The following DCC variants were observed in gnomAD, a reference collection of about 807,000 sequenced individuals.
The protein encoded by DCC is netrin receptor DCC.
Under a neutral mutation model 172.5 loss-of-function variants are expected in DCC, and 58 were observed. The ratio of observed to expected loss-of-function variants is 0.34; its 90% confidence interval spans 0.27 to 0.42. The LOEUF is 0.42. DCC is among the 10% of genes least tolerant of loss of function. The pLI is 1.00. For missense variants in DCC, 1,740 were observed against 1,791.0 expected, an observed-to-expected ratio of 0.97 and a Z score of 0.51; for synonymous variants, 709 against 644.5, an observed-to-expected ratio of 1.10 and a Z score of -1.52.
chr18:52,725,265 C>T (rs190705076), intron 1 of DCC, among the ~76,000 whole-genome samples: 26 of 152,264 alleles, frequency 1.7e-4, no homozygotes, highest in African/African-American at 5.1e-4. Context: ...CTGCTGAGAG[C>T]GCCAGTGATC....
chr18:53,208,857 A>C (rs2144561856), intron 11 of DCC, among the ~76,000 whole-genome samples: 1 of 152,190 alleles, frequency 6.6e-6, no homozygotes, highest in South Asian at 2.1e-4. Flanking sequence ...CAGCCTCCTG[A>C]GTACCTGGGA....
In DCC at chr18:52,800,713, A is replaced by T. The variant is rs570803478; in HGVS notation, c.412+48339A>T. Among the ~76,000 whole-genome samples, 9 of 152,348 alleles carry T rather than the reference A, an allele frequency of 5.9e-5. No homozygotes were observed. The South Asian group carries it at 1.0e-3, about 18-fold the overall frequency. ...TGTGTTAACGTATCACCTTGTTTTC[A>T]TAAGTACAATTGGTTCCTGAGAGGC... On this transcript the variant is annotated intron_variant, in intron 2 of 28. Coordinates refer to ENST00000442544, the MANE Select transcript of DCC (RefSeq NM_005215.4).
chr18:52,497,465 A>G (rs1234871492), intron 1 of DCC, among the ~76,000 whole-genome samples: 1 of 151,340 alleles, frequency 6.6e-6, no homozygotes, highest in Non-Finnish European at 1.5e-5. Context: ...TTTTTTTAAA[A>G]AAGCAGAACT....
chr18:52,993,313 A>C (rs1249886052), intron 5 of DCC, among the ~76,000 whole-genome samples: 1 of 152,162 alleles, frequency 6.6e-6, no homozygotes, highest in Non-Finnish European at 1.5e-5. Context: ...ATGTAACTCC[A>C]ACTTACTAGA....
intron 1 of DCC, chr18:52,409,296 G>T (rs750439682): frequency 6.6e-6 from 1 of 152,110 alleles, no homozygotes; most frequent in Non-Finnish European, 1.5e-5. Context: ...AACTGATTCT[G>T]TTGTGATTCA....
At position 52,928,131 on chromosome 18, in the gene DCC, A is replaced by G. The variant is rs572151208; in HGVS notation, c.985+2761A>G. 2.2e-3 allele frequency among the ~76,000 whole-genome samples: 333 copies of G among 152,272 alleles called. 2 individuals carry two copies. The highest frequency in any genetic ancestry group is 8.8e-3 in the Admixed American group (135 of 15,276). ...CCTTTGCTGCAACATGGATGGAGCCATTATCTTAAGTAAACTAATACAGGA... is the reference window on the plus strand; with the variant it reads ...CCTTTGCTGCAACATGGATGGAGCCGTTATCTTAAGTAAACTAATACAGGA... On this transcript the variant is annotated intron_variant, in intron 5 of 28. Transcript: ENST00000442544.
At chr18:52,926,800 C>T (rs1568191393) in intron 5 of DCC, among the ~76,000 whole-genome samples, 3 of 146,034 alleles carry the variant, frequency 2.1e-5, no homozygotes, top group Non-Finnish European at 4.5e-5. Context: ...TACACACACA[C>T]ATATACATAT....
At chr18:52,954,115 A>G (rs1263611007) in intron 5 of DCC, among the ~76,000 whole-genome samples, 2 of 152,230 alleles carry the variant, frequency 1.3e-5, no homozygotes, top group Non-Finnish European at 2.9e-5. Flanking sequence ...CCCTTTCATT[A>G]AAATAGGAAT....
At chr18:53,092,810 A>C (rs2043033220) in intron 7 of DCC, among the ~76,000 whole-genome samples, 1 of 152,082 alleles carries the variant, frequency 6.6e-6, no homozygotes, top group Admixed American at 6.6e-5. Context: ...CCCATCACAG[A>C]CCCTGATGTA....
chr18:52,698,299 C>T (rs2145027995), intron 1 of DCC, among the ~76,000 whole-genome samples: 1 of 152,264 alleles, frequency 6.6e-6, no homozygotes, highest in South Asian at 2.1e-4. Context: ...TGTTGAGCTT[C>T]TTAGAAATTG....
intron 27 of DCC, among the ~76,000 whole-genome samples, chr18:53,509,337 A>G (rs193160456): frequency 1.4e-4 from 21 of 152,354 alleles, no homozygotes; most frequent in Non-Finnish European, 2.5e-4. Flanking sequence ...TCCAAACATG[A>G]TTTGAGATAT....
chr18:52,420,272 A>G (rs1168260166), intron 1 of DCC, among the ~76,000 whole-genome samples: 1 of 152,186 alleles, frequency 6.6e-6, no homozygotes, highest in Non-Finnish European at 1.5e-5. Context: ...CTCAATCTCT[A>G]GACCCAAGGA....
intron 2 of DCC, among the ~76,000 whole-genome samples, chr18:52,817,622 GTGA>G (rs1463417984): frequency 1.3e-5 from 2 of 152,004 alleles, no homozygotes; most frequent in African/African-American, 4.8e-5. Context: ...ATCTTAATGA[GTGA>G]TGACAATGAT....
intron 7 of DCC, among the ~76,000 whole-genome samples, chr18:53,110,559 A>G (rs1305033462): frequency 6.6e-6 from 1 of 151,812 alleles, no homozygotes; most frequent in African/African-American, 2.4e-5. Context: ...CAAGAAAAAA[A>G]CAAACAACCC....
Position 53,239,582 on chromosome 18 carries a change from C to G in DCC, c.1911+23985C>G, listed in dbSNP as rs375609537. 1.2e-3 allele frequency among the ~76,000 whole-genome samples: 176 copies of G among 152,268 alleles called. 1 individual carries two copies. Among genetic ancestry groups the G allele is most frequent in the African/African-American group, 4.1e-3 (171 of 41,568 alleles). On this transcript the variant is annotated intron_variant, in intron 12 of 28. Transcript: ENST00000442544. ...GAAAGGTGCACAGGGGCTTACATCA[C>G]TGGGCCCTTTGATTGGTGTTTTTGA...
At chr18:53,111,818 C>T (rs2043337419) in intron 7 of DCC, among the ~76,000 whole-genome samples, 1 of 151,574 alleles carries the variant, frequency 6.6e-6, no homozygotes, top group African/African-American at 2.4e-5. Flanking sequence ...GAAATGAGAA[C>T]TTGGAGATTC....
At chr18:52,359,061 G>C (rs1984504911) in intron 1 of DCC, among the ~76,000 whole-genome samples, 1 of 152,164 alleles carries the variant, frequency 6.6e-6, no homozygotes, top group African/African-American at 2.4e-5. Flanking sequence ...TTCAGTAAGA[G>C]AAGGGCTGAT....
chr18:53,529,014 T>TCC (rs1448762809), intron 28 of DCC, among the ~76,000 whole-genome samples: 5 of 105,542 alleles, frequency 4.7e-5, no homozygotes, highest in African/African-American at 2.0e-4. Flanking sequence ...TCTCTCTCTC[T>TCC]CTCTCTCTCT....
chr18:52,732,185 A>C (rs2036652929), intron 1 of DCC, among the ~76,000 whole-genome samples: 1 of 152,140 alleles, frequency 6.6e-6, no homozygotes, highest in Admixed American at 6.6e-5. Context: ...ATACCCACGA[A>C]GTGATGGTAT....
Sources: allele counts gnomAD v4.1 joint callset (sites outside exome capture counted in the v4.1 genomes callset), GRCh38; gene constraint gnomAD v4.1.1; transcripts MANE v1.5; gene names NCBI Gene and HGNC (gene_info 2026-07-23, HGNC 2026-07-21).